EVI5: variants seen among roughly 807,000 people sequenced by gnomAD.
EVI5 encodes the protein ecotropic viral integration site 5 protein homolog.
EVI5 carries 73 observed loss-of-function variants against 112.0 expected under a neutral mutation model. That is an observed-to-expected ratio of 0.65 (90% CI 0.54 to 0.79). The LOEUF is 0.79. EVI5 is among the 30% of genes least tolerant of loss of function. EVI5 has a pLI of 0.00. For missense variants in EVI5, 900 were observed against 968.8 expected, an observed-to-expected ratio of 0.93 and a Z score of 0.94; for synonymous variants, 305 against 319.9, an observed-to-expected ratio of 0.95 and a Z score of 0.50.
At chr1:92,611,906 T>A (rs1651911227) in intron 16 of EVI5, among the ~76,000 whole-genome samples, 1 of 150,964 alleles carries the variant, frequency 6.6e-6, no homozygotes, top group African/African-American at 2.4e-5. Flanking sequence ...GACAAAACAG[T>A]GAGACCCTAT....
chr1:92,654,565 A>C (rs913894016), intron 13 of EVI5, among the ~76,000 whole-genome samples: 6 of 152,212 alleles, frequency 3.9e-5, no homozygotes, highest in Non-Finnish European at 7.3e-5. Flanking sequence ...TAAGAAGAAA[A>C]GATAAGTTTC....
At chr1:92,690,031 G>C (rs1323727973) in intron 9 of EVI5, among the ~76,000 whole-genome samples, 2 of 151,930 alleles carry the variant, frequency 1.3e-5, no homozygotes, top group Non-Finnish European at 2.9e-5. Context: ...CAGGACTACA[G>C]GCACCTGGTT....
At chr1:92,518,655 T>TAA (rs11432913) in intron 19 of EVI5, among the ~76,000 whole-genome samples, 1,648 of 145,420 alleles carry the variant, frequency 0.011, 35 homozygotes, top group African/African-American at 0.036. Flanking sequence ...AGGGATGCTT[T>TAA]AAAAAAAAAA....
At chr1:92,519,244 G>A (rs964785197) in intron 19 of EVI5, among the ~76,000 whole-genome samples, 5 of 152,164 alleles carry the variant, frequency 3.3e-5, no homozygotes, top group Non-Finnish European at 5.9e-5. Context: ...ATGGCAAAGG[G>A]AATCATCCCT....
intron 19 of EVI5, among the ~76,000 whole-genome samples, chr1:92,515,029 C>T (rs1257029006): frequency 6.6e-6 from 1 of 152,142 alleles, no homozygotes; most frequent in Non-Finnish European, 1.5e-5. Flanking sequence ...TTTCTGCCTT[C>T]TCTCCCCAAC....
Position 92,696,929 on chromosome 1 carries a change from A to G in EVI5, c.765+931T>C, listed in dbSNP as rs552777755. Among the ~76,000 whole-genome samples the G allele has an allele frequency of 3.5e-4, 53 of 152,246 alleles. 1 individual carries two copies. Among genetic ancestry groups the G allele is most frequent in the African/African-American group, 1.2e-3 (49 of 41,564 alleles). ...GTGGCAGGCACCTGTAGTCCCAGCT[A>G]CTTGGGAGACTGAGGCAGGAGAATG... On this transcript the variant is annotated intron_variant, in intron 6 of 19. Coordinates refer to ENST00000684568, the MANE Select transcript of EVI5 (RefSeq NM_001350197.2).
At chr1:92,724,568 G>A (rs570584327) in intron 2 of EVI5, among the ~76,000 whole-genome samples, 1 of 152,180 alleles carries the variant, frequency 6.6e-6, no homozygotes, top group Non-Finnish European at 1.5e-5. Flanking sequence ...AACACCCTGG[G>A]AGGCCAAGGT....
intron 2 of EVI5, among the ~76,000 whole-genome samples, chr1:92,709,268 T>C (rs886095132): frequency 6.6e-6 from 1 of 152,194 alleles, no homozygotes; most frequent in Non-Finnish European, 1.5e-5. Flanking sequence ...GTATGTGGGT[T>C]ATACATAGGT....
At chr1:92,688,234 G>A (rs1668889183) in intron 9 of EVI5, among the ~76,000 whole-genome samples, 2 of 152,052 alleles carry the variant, frequency 1.3e-5, no homozygotes, top group Admixed American at 1.3e-4. Flanking sequence ...TCCTTTGCAG[G>A]GACATGGATG....
intron 1 of EVI5, among the ~76,000 whole-genome samples, chr1:92,764,965 C>A (rs1194706685): frequency 1.3e-5 from 2 of 152,082 alleles, no homozygotes; most frequent in South Asian, 2.1e-4. Context: ...AAACCCAGGA[C>A]CTTTTCTGCT....
chr1:92,617,209 C>T (rs1653393272), intron 16 of EVI5, among the ~76,000 whole-genome samples: 1 of 152,192 alleles, frequency 6.6e-6, no homozygotes, highest in Non-Finnish European at 1.5e-5. Flanking sequence ...TCCCAGTGGG[C>T]AGAACTTCGA....
intron 18 of EVI5, among the ~76,000 whole-genome samples, chr1:92,578,473 T>C (rs1671420306): frequency 6.6e-6 from 1 of 152,018 alleles, no homozygotes; most frequent in African/African-American, 2.4e-5. Flanking sequence ...CTCAGCACTA[T>C]GGGAGGCTGA....
At position 92,642,833 on chromosome 1, in the gene EVI5, A is replaced by G. The variant is rs533666097; in HGVS notation, c.1393-6497T>C. Among the ~76,000 whole-genome samples the G allele has an allele frequency of 7.0e-4, 106 of 152,328 alleles. 2 individuals are homozygous for G. In the South Asian group the frequency reaches 0.02, roughly 29 times the overall value. Reference sequence around the variant, plus strand: ...AGTACTTCCTAGTATGAAGGTCCCAATAACTTCAAACGGCAGTCATTTCAG... The same window carrying G: ...AGTACTTCCTAGTATGAAGGTCCCAGTAACTTCAAACGGCAGTCATTTCAG... On this transcript the variant is annotated intron_variant, in intron 13 of 19. Transcript: ENST00000684568.
intron 9 of EVI5, among the ~76,000 whole-genome samples, chr1:92,680,749 T>C (rs1020274056): frequency 2.0e-5 from 3 of 152,132 alleles, no homozygotes; most frequent in African/African-American, 4.8e-5. Flanking sequence ...ATATATCGTA[T>C]GGTGAAATGA....
At chr1:92,680,568 T>C (rs1667417893) in intron 9 of EVI5, among the ~76,000 whole-genome samples, 1 of 152,184 alleles carries the variant, frequency 6.6e-6, no homozygotes, top group African/African-American at 2.4e-5. Flanking sequence ...AAAACTGGTA[T>C]GGTTAAGTTT....
intron 3 of EVI5, among the ~76,000 whole-genome samples, chr1:92,704,269 G>A (rs1336490950): frequency 6.6e-6 from 1 of 152,160 alleles, no homozygotes; most frequent in Non-Finnish European, 1.5e-5. Context: ...AGCTATGACT[G>A]CATCACTGCA....
intron 1 of EVI5, among the ~76,000 whole-genome samples, chr1:92,782,999 T>A (rs1432578990): frequency 6.6e-6 from 1 of 152,032 alleles, no homozygotes; most frequent in Non-Finnish European, 1.5e-5. Flanking sequence ...TTTGTATTTT[T>A]AGTAGAAAAT....
intron 19 of EVI5, among the ~76,000 whole-genome samples, chr1:92,530,593 C>G (rs1024098420): frequency 6.6e-6 from 1 of 152,006 alleles, no homozygotes; most frequent in African/African-American, 2.4e-5. Flanking sequence ...GAGGAAGAAA[C>G]AGGCAGCAAT....
In EVI5 at chr1:92,644,534, C is replaced by T. The variant is rs115454329; in HGVS notation, c.1393-8198G>A. Among the ~76,000 whole-genome samples the T allele has an allele frequency of 4.6e-3, 699 of 152,196 alleles. 3 individuals are homozygous for T. The highest frequency in any genetic ancestry group is 0.016 in the African/African-American group (678 of 41,542). On this transcript the variant is annotated intron_variant, in intron 13 of 19. Coordinates refer to ENST00000684568, the MANE Select transcript of EVI5 (RefSeq NM_001350197.2). ...CTACACTTTTTATTATTTGTCCATT[C>T]TGCTTGGTTAGCTTGAATTTCTTTA...
Sources: allele counts gnomAD v4.1 joint callset (sites outside exome capture counted in the v4.1 genomes callset), GRCh38; gene constraint gnomAD v4.1.1; transcripts MANE v1.5; gene names NCBI Gene and HGNC (gene_info 2026-07-23, HGNC 2026-07-21).